The following ZNF407 variants were observed in gnomAD, a reference collection of about 807,000 sequenced individuals.
ZNF407 encodes the protein zinc finger protein 407.
A neutral mutation model predicts 131.2 loss-of-function variants in ZNF407; 17 were observed. That is an observed-to-expected ratio of 0.13 (90% CI 0.09 to 0.19). The LOEUF (loss-of-function observed/expected upper bound fraction) is 0.19, where lower values mean the gene tolerates loss of function less well. ZNF407 is among the 10% of genes least tolerant of loss of function. The pLI is 1.00. For synonymous variants in ZNF407, 1,156 were observed against 1,062.0 expected (o/e 1.09, Z -1.72); for missense variants, 2,681 against 2,830.6 (o/e 0.95, Z 1.20).
intron 1 of ZNF407, among the ~76,000 whole-genome samples, chr18:74,618,806 A>G (rs1983413594): frequency 6.6e-6 from 1 of 152,222 alleles, no homozygotes; most frequent in Admixed American, 6.5e-5. Flanking sequence ...GGATAGAACT[A>G]TATCCATTAA....
intron 6 of ZNF407, 87 bp from the exon 7 acceptor site, chr18:74,889,831 T>A (rs1045204105): frequency 4.9e-6 from 6 of 1,220,982 alleles, no homozygotes; most frequent in Non-Finnish European, 5.7e-6. Flanking sequence ...TGGAAATAAA[T>A]GTTTTTTAAA....
chr18:74,877,372 C>G lies in ZNF407; in HGVS notation c.5044+9C>G, dbSNP rs541995008. The stretch of plus-strand genomic sequence containing the variant: ...CTACAGGACGCACACAGGTGTGCCG[C>G]GCCGCCTTCCTATCCCAGGAGGCTG... On this transcript the variant is annotated intron_variant, in intron 5 of 8. Coordinates refer to ENST00000299687, the MANE Select transcript of ZNF407 (RefSeq NM_017757.3). The G allele has an allele frequency of 6.2e-7, 1 of 1,609,700 alleles. No homozygotes were observed. Among genetic ancestry groups the G allele is most frequent in the Admixed American group, 1.7e-5 (1 of 59,984 alleles).
At chr18:74,914,373 T>G (rs936434883) in intron 7 of ZNF407, among the ~76,000 whole-genome samples, 1 of 152,198 alleles carries the variant, frequency 6.6e-6, no homozygotes, top group African/African-American at 2.4e-5. Context: ...CTTTTCTCTG[T>G]GTTGACGCTG....
At chr18:74,715,268 T>A (rs1444530914) in intron 3 of ZNF407, among the ~76,000 whole-genome samples, 2 of 152,210 alleles carry the variant, frequency 1.3e-5, no homozygotes, top group Non-Finnish European at 2.9e-5. Context: ...TGTGCTTCCA[T>A]GTCGTATTTT....
chr18:74,872,170 G>A (rs1303097671), intron 4 of ZNF407, among the ~76,000 whole-genome samples: 3 of 68,610 alleles, frequency 4.4e-5, no homozygotes, highest in Middle Eastern at 7.4e-3. Context: ...CTCAGCATCC[G>A]CCCCGCCCCC....
chr18:74,710,877 G>C (rs1967743416), intron 3 of ZNF407, among the ~76,000 whole-genome samples: 1 of 152,138 alleles, frequency 6.6e-6, no homozygotes, highest in South Asian at 2.1e-4. Context: ...ATGGAGAATG[G>C]AAAAACTGGC....
intron 3 of ZNF407, among the ~76,000 whole-genome samples, chr18:74,694,336 G>T (rs1034001272): frequency 7.2e-5 from 11 of 152,126 alleles, no homozygotes; most frequent in African/African-American, 2.2e-4. Flanking sequence ...TGAAGAAGAA[G>T]AATCATTCTG....
intron 3 of ZNF407, among the ~76,000 whole-genome samples, chr18:74,701,783 G>A (rs1240224615): frequency 6.6e-6 from 1 of 151,558 alleles, no homozygotes; most frequent in Non-Finnish European, 1.5e-5. Flanking sequence ...TAATAATTTA[G>A]GCTCGCCCTG....
chr18:75,063,074 T>G lies in ZNF407; in HGVS notation c.5429-76T>G, dbSNP rs1449396321. On this transcript the variant is annotated intron_variant, in intron 8 of 8. Transcript: ENST00000299687. The surrounding 1 kb of genome is among the most constrained non-coding windows in gnomAD (Gnocchi z 6.6). ...GGTGACTCTGCTGAGGCCTGAGCGC[T>G]TCTGCAGAAGAAGTGTCTTACTTGT... The G allele has an allele frequency of 7.3e-7, 1 of 1,374,682 alleles. No individual in the cohort carries two copies. The highest frequency in any genetic ancestry group is 2.3e-5 in the East Asian group (1 of 43,410). The allele number at this position is 1,374,682 out of a possible 1,614,324, so 85.2% of individuals were successfully genotyped here.
chr18:75,017,855 T>G (rs1273083078), intron 8 of ZNF407, among the ~76,000 whole-genome samples: 2 of 152,104 alleles, frequency 1.3e-5, no homozygotes, highest in Non-Finnish European at 2.9e-5. Context: ...ATTACCTGTT[T>G]TCTATCTACA....
At chr18:74,918,452 G>A (rs1278493106) in intron 7 of ZNF407, among the ~76,000 whole-genome samples, 1 of 152,160 alleles carries the variant, frequency 6.6e-6, no homozygotes, top group Non-Finnish European at 1.5e-5. Flanking sequence ...GTCAGTGGAG[G>A]TACCTGGCAT....
intron 8 of ZNF407, among the ~76,000 whole-genome samples, chr18:74,921,425 G>A (rs1310687574): frequency 1.3e-5 from 2 of 152,200 alleles, no homozygotes; most frequent in Non-Finnish European, 2.9e-5. Context: ...ACCTCTTTGA[G>A]GAGTAAATTT....
chr18:74,666,137 C>T (rs768279411), intron 3 of ZNF407, among the ~76,000 whole-genome samples: 19 of 152,232 alleles, frequency 1.2e-4, no homozygotes, highest in Middle Eastern at 3.4e-3. Context: ...GTGCACGCCC[C>T]GCAGAAGCAT....
chr18:74,987,460 A>G (rs980171055), intron 8 of ZNF407, among the ~76,000 whole-genome samples: 7 of 152,172 alleles, frequency 4.6e-5, no homozygotes, highest in Non-Finnish European at 5.9e-5. Context: ...TCCAACAAGA[A>G]TGTGTGTTGA....
Position 74,654,337 on chromosome 18 carries a change from G to A in ZNF407, c.4802+13215G>A, listed in dbSNP as rs182922802. On this transcript the variant is annotated intron_variant, in intron 3 of 8. Transcript: ENST00000299687. Reference sequence around the variant, plus strand: ...TTTAAGTAGAATTATTATTTTTAATGGTTTTTCTGACAGAAAAATAAAGGC... The same window carrying A: ...TTTAAGTAGAATTATTATTTTTAATAGTTTTTCTGACAGAAAAATAAAGGC... 6.4e-3 allele frequency among the ~76,000 whole-genome samples: 971 copies of A among 151,768 alleles called. 12 individuals carry two copies. Among genetic ancestry groups the A allele is most frequent in the African/African-American group, 0.022 (912 of 41,474 alleles).
intron 4 of ZNF407, among the ~76,000 whole-genome samples, chr18:74,819,954 G>C (rs1568229552): frequency 6.6e-6 from 1 of 152,152 alleles, no homozygotes; most frequent in Non-Finnish European, 1.5e-5. Flanking sequence ...CCTGTAGCAG[G>C]GCTCCATAGG....
chr18:74,612,067 ATG>A (rs1983083500), intron 1 of ZNF407, among the ~76,000 whole-genome samples: 1 of 152,174 alleles, frequency 6.6e-6, no homozygotes, highest in Admixed American at 6.5e-5. Flanking sequence ...GATTGAGTGA[ATG>A]TTAGCTGCAT....
intron 3 of ZNF407, among the ~76,000 whole-genome samples, chr18:74,660,653 C>T (rs1288970848): frequency 1.3e-5 from 2 of 152,036 alleles, no homozygotes; most frequent in Non-Finnish European, 2.9e-5. Flanking sequence ...GTTTTAAGTT[C>T]ATCATTGTGG....
chr18:74,885,943 T>C (rs1001720801), intron 6 of ZNF407, among the ~76,000 whole-genome samples: 3 of 152,158 alleles, frequency 2.0e-5, no homozygotes, highest in Non-Finnish European at 4.4e-5. Context: ...GCCTGATTTA[T>C]AAAATAAAAA....
Sources: allele counts gnomAD v4.1 joint callset (sites outside exome capture counted in the v4.1 genomes callset), GRCh38; gene constraint gnomAD v4.1.1; non-coding constraint Gnocchi (gnomAD v3.1); transcripts MANE v1.5; gene names NCBI Gene and HGNC (gene_info 2026-07-23, HGNC 2026-07-21).